Variants in DDAH1 observed in about 807,000 individuals in gnomAD.
DDAH1 encodes dimethylarginine dimethylaminohydrolase 1, also known as N(G),N(G)-dimethylarginine dimethylaminohydrolase 1.
A neutral mutation model predicts 28.8 loss-of-function variants in DDAH1; 19 were observed. That is an observed-to-expected ratio of 0.66 (90% CI 0.46 to 0.97). The LOEUF (loss-of-function observed/expected upper bound fraction) is 0.97. DDAH1 is among the 50% of genes least tolerant of loss of function. DDAH1 has a pLI of 0.00. For synonymous variants in DDAH1, 153 were observed against 154.4 expected (o/e 0.99, Z 0.07); for missense variants, 326 against 375.9 (o/e 0.87, Z 1.10).
chr1:85,326,575 C>T (rs572335239), intron 4 of DDAH1, among the ~76,000 whole-genome samples: 1 of 152,366 alleles, frequency 6.6e-6, no homozygotes, highest in African/African-American at 2.4e-5. Flanking sequence ...TCTTTCTCAA[C>T]TTCTGCAGCA....
At chr1:85,504,051 C>T (rs1353910089) in intron 1 of DDAH1, among the ~76,000 whole-genome samples, 1 of 152,176 alleles carries the variant, frequency 6.6e-6, no homozygotes, top group Non-Finnish European at 1.5e-5. Flanking sequence ...GACTGGCATG[C>T]TGTGATGATA....
At chr1:85,503,977 A>C (rs1311005787) in intron 1 of DDAH1, among the ~76,000 whole-genome samples, 2 of 152,200 alleles carry the variant, frequency 1.3e-5, no homozygotes, top group African/African-American at 4.8e-5. Context: ...AGGGCTTACA[A>C]GTCCACAGTA....
rs1453598534 is a variant in DDAH1 at position 85,318,774 on chromosome 1, C to G, written c.*2678G>C. 1 of 152,606 alleles carries G rather than the reference C, an allele frequency of 6.6e-6. No individual in the cohort carries two copies. The highest frequency in any genetic ancestry group is 1.9e-4 in the East Asian group (1 of 5,208). The allele number at this position is 152,606 out of a possible 1,614,324, so 9.5% of individuals were successfully genotyped here. ...CAACTCTTTACCTTACATTATTCAT[C>G]TACAGACTATTTTTCTCCCTTAGAG... On this transcript the variant is annotated 3_prime_UTR_variant, in exon 6 of 6. Transcript: ENST00000284031.
chr1:85,502,183 T>A (rs1374570527), intron 1 of DDAH1, among the ~76,000 whole-genome samples: 4 of 152,228 alleles, frequency 2.6e-5, no homozygotes, highest in Non-Finnish European at 4.4e-5. Context: ...GTAAACTCTT[T>A]GAAGACACGG....
chr1:85,335,789 C>T (rs1648068133), intron 4 of DDAH1, among the ~76,000 whole-genome samples: 1 of 151,848 alleles, frequency 6.6e-6, no homozygotes, highest in South Asian at 2.1e-4. Context: ...TGGTGAAACC[C>T]TGTCTCTATA....
chr1:85,382,583 T>C (rs1324272019), intron 1 of DDAH1, among the ~76,000 whole-genome samples: 1 of 152,194 alleles, frequency 6.6e-6, no homozygotes, highest in Non-Finnish European at 1.5e-5. Flanking sequence ...ATGAAGATGG[T>C]TATACTAAAC....
chr1:85,369,203 G>GGT (rs1298369434), intron 1 of DDAH1, among the ~76,000 whole-genome samples: 4 of 151,196 alleles, frequency 2.6e-5, no homozygotes, highest in Non-Finnish European at 5.9e-5. Flanking sequence ...TGGGACTACA[G>GGT]GTGTGTGCCC....
intron 1 of DDAH1, among the ~76,000 whole-genome samples, chr1:85,402,996 C>A (rs11161611): frequency 0.66 from 99,512 of 150,912 alleles, 32,954 homozygotes; most frequent in African/African-American, 0.71. Flanking sequence ...TTTTCTTAAG[C>A]ATGCTGGGTA....
intron 1 of DDAH1, among the ~76,000 whole-genome samples, chr1:85,439,906 G>A (rs1001637540): frequency 5.9e-5 from 9 of 152,294 alleles, no homozygotes; most frequent in African/African-American, 2.2e-4. Flanking sequence ...TAAGACTACA[G>A]CATTTTAAAT....
At chr1:85,383,634 G>A (rs1384853562) in intron 1 of DDAH1, among the ~76,000 whole-genome samples, 7 of 152,182 alleles carry the variant, frequency 4.6e-5, no homozygotes, top group Admixed American at 4.6e-4. Flanking sequence ...ACAGAGAAAT[G>A]TTTCATGAAA....
chr1:85,422,878 G>A (rs1434385167), intron 1 of DDAH1, among the ~76,000 whole-genome samples: 3 of 152,166 alleles, frequency 2.0e-5, no homozygotes, highest in African/African-American at 4.8e-5. Flanking sequence ...ATATGAGCGC[G>A]CAGCAAGAAG....
chr1:85,390,332 T>C (rs560564313), intron 1 of DDAH1, among the ~76,000 whole-genome samples: 1 of 152,298 alleles, frequency 6.6e-6, no homozygotes, highest in South Asian at 2.1e-4. Context: ...AGAGTGAATC[T>C]GATTTAAAAC....
intron 1 of DDAH1, among the ~76,000 whole-genome samples, chr1:85,434,979 C>T (rs1041987145): frequency 1.2e-4 from 18 of 152,012 alleles, no homozygotes; most frequent in African/African-American, 3.9e-4. Flanking sequence ...AGATTACATA[C>T]CCTTTTATCT....
rs923396573 is a variant in DDAH1 at position 85,324,883 on chromosome 1, T to C, written c.598A>G (p.Ile200Val). The C allele has an allele frequency of 6.2e-7, 1 of 1,613,966 alleles. No homozygotes were observed. The highest frequency in any genetic ancestry group is 1.7e-5 in the Admixed American group (1 of 60,002). ...SSESAQKALK[I>V]MQQMSDHRYD... ...CGGTGGTCACTCATCTGTTGCATGA[T>C]CTATAAAGAGAAACAAAGCAGGCCT... The change falls in exon 5 of 6, where the codon ATC (isoleucine) becomes GTC (valine). Residue 200 changes from isoleucine (I) to valine (V), a missense_variant and splice_region_variant. Ile to Val is a conservative substitution (Grantham distance 29). Coordinates refer to ENST00000284031, the MANE Select transcript of DDAH1 (RefSeq NM_012137.4).
At chr1:85,506,528 C>A (rs1657023926) in intron 1 of DDAH1, among the ~76,000 whole-genome samples, 1 of 152,188 alleles carries the variant, frequency 6.6e-6, no homozygotes, top group Admixed American at 6.5e-5. Flanking sequence ...ATAGCTGCCC[C>A]CTTCAGACAG....
intron 1 of DDAH1, among the ~76,000 whole-genome samples, chr1:85,374,311 A>C (rs1650540157): frequency 6.6e-6 from 1 of 152,122 alleles, no homozygotes; most frequent in African/African-American, 2.4e-5. Flanking sequence ...TTTCTAGTCC[A>C]TGCAAACACT....
chr1:85,561,671 G>A (rs546907701), intron 1 of DDAH1, among the ~76,000 whole-genome samples: 34 of 152,146 alleles, frequency 2.2e-4, no homozygotes, highest in African/African-American at 7.2e-4. Flanking sequence ...TTAAAGTCAC[G>A]TTTAAAATTA....
intron 1 of DDAH1, among the ~76,000 whole-genome samples, chr1:85,439,698 T>G (rs2100650444): frequency 6.6e-6 from 1 of 152,366 alleles, no homozygotes; most frequent in Non-Finnish European, 1.5e-5. Context: ...ACACTTATTG[T>G]GTGTCTATTA....
At chr1:85,400,913 C>G (rs1052426484) in intron 1 of DDAH1, among the ~76,000 whole-genome samples, 6 of 152,160 alleles carry the variant, frequency 3.9e-5, no homozygotes, top group African/African-American at 1.4e-4. Flanking sequence ...ATATATCCTT[C>G]CAAGCTGCCT....
Sources: allele counts gnomAD v4.1 joint callset (sites outside exome capture counted in the v4.1 genomes callset), GRCh38; gene constraint gnomAD v4.1.1; transcripts MANE v1.5; gene names NCBI Gene and HGNC (gene_info 2026-07-23, HGNC 2026-07-21).